The following RELL1 variants were observed in gnomAD, a reference collection of about 807,000 sequenced individuals.
RELL1 encodes the protein RELT-like protein 1.
RELL1 carries 10 observed loss-of-function variants against 23.0 expected under a neutral mutation model. That is an observed-to-expected ratio of 0.43 (90% CI 0.27 to 0.74). The LOEUF is 0.74. Among genes scored for constraint, RELL1 ranks in the 30% least tolerant of loss-of-function variants. The probability of loss-of-function intolerance (pLI) is 0.19; values close to 1 mark genes in which losing one functional copy is unlikely to be tolerated. For synonymous variants in RELL1, 146 were observed against 146.8 expected (o/e 0.99, Z 0.04); for missense variants, 315 against 364.4 (o/e 0.86, Z 1.10).
At chr4:37,592,104 A>G (rs1718640014) in intron 6 of RELL1, among the ~76,000 whole-genome samples, 1 of 150,110 alleles carries the variant, frequency 6.7e-6, no homozygotes, top group Admixed American at 6.7e-5. Context: ...GCTACTTGGG[A>G]GGCTGAGGCA....
intron 1 of RELL1, among the ~76,000 whole-genome samples, chr4:37,650,541 G>A (rs1720891895): frequency 6.6e-6 from 1 of 152,122 alleles, no homozygotes; most frequent in African/African-American, 2.4e-5. Context: ...GCTGTGGAAG[G>A]AAAACACGGG....
chr4:37,588,760 A>C, downstream of RELL1: 4 of 928,898 alleles, frequency 4.3e-6, no homozygotes, highest in Non-Finnish European at 7.0e-6. Flanking sequence ...ATACATTTTG[A>C]GTCTCTAGGG....
At chr4:37,647,111 C>A (rs537650588) in intron 3 of RELL1, among the ~76,000 whole-genome samples, 1 of 152,288 alleles carries the variant, frequency 6.6e-6, no homozygotes, top group African/African-American at 2.4e-5. Flanking sequence ...TGCACACAAC[C>A]AGTAAGCAGT....
intron 1 of RELL1, among the ~76,000 whole-genome samples, chr4:37,685,705 A>G (rs1299012305): frequency 6.6e-6 from 1 of 152,234 alleles, no homozygotes; most frequent in African/African-American, 2.4e-5. Context: ...CACCCAAATA[A>G]ATGGAAACGT....
downstream of RELL1, among the ~76,000 whole-genome samples, chr4:37,607,760 T>G (rs1719267839): frequency 6.6e-6 from 1 of 151,936 alleles, no homozygotes; most frequent in African/African-American, 2.4e-5. Flanking sequence ...TTTTCTTTTT[T>G]TTGTATGTTA....
chr4:37,647,879 T>C (rs1720763540), intron 2 of RELL1, among the ~76,000 whole-genome samples: 1 of 152,228 alleles, frequency 6.6e-6, no homozygotes, highest in African/African-American at 2.4e-5. Context: ...TCTTCCATGT[T>C]CATCAGACTG....
intron 6 of RELL1, among the ~76,000 whole-genome samples, chr4:37,619,027 G>A (rs187288628): frequency 3.3e-5 from 5 of 152,008 alleles, no homozygotes; most frequent in Admixed American, 3.3e-4. Context: ...TTACAGGCAT[G>A]CGCCACCACC....
chr4:37,632,849 A>C (rs916462943), intron 5 of RELL1, among the ~76,000 whole-genome samples: 2 of 152,242 alleles, frequency 1.3e-5, no homozygotes, highest in African/African-American at 4.8e-5. Flanking sequence ...AGAGTCTTTC[A>C]TAACAGCTTC....
In RELL1 at chr4:37,686,322, C is replaced by T; in HGVS notation, c.-35G>A. The T allele has an allele frequency of 6.9e-7, 1 of 1,444,978 alleles. No homozygotes were observed. The highest frequency in any genetic ancestry group is 9.1e-7 in the Non-Finnish European group (1 of 1,095,088). 89.5% of individuals were successfully genotyped at this position (1,444,978 alleles called of 1,614,324 possible). Reference sequence around the variant, plus strand: ...GCTTCGCCCTCCTCCCCCAGGGCGCCGCGTCCCGCGCTCGGGAAGGCAGAG... The same window carrying T: ...GCTTCGCCCTCCTCCCCCAGGGCGCTGCGTCCCGCGCTCGGGAAGGCAGAG... On this transcript the variant is annotated 5_prime_UTR_variant, in exon 1 of 7. Coordinates refer to ENST00000454158, the MANE Select transcript of RELL1 (RefSeq NM_001085400.2).
At chr4:37,682,227 A>G (rs1337491011) in intron 1 of RELL1, among the ~76,000 whole-genome samples, 1 of 152,250 alleles carries the variant, frequency 6.6e-6, no homozygotes. Context: ...TAAAAGAGTA[A>G]AGTGTCTACA....
At chr4:37,677,273 C>T (rs1194033582) in intron 1 of RELL1, among the ~76,000 whole-genome samples, 2 of 152,220 alleles carry the variant, frequency 1.3e-5, no homozygotes, top group Non-Finnish European at 2.9e-5. Flanking sequence ...GACAGTCTAA[C>T]AGAATGGGAA....
chr4:37,610,086 C>T (rs562284543), downstream of RELL1, among the ~76,000 whole-genome samples: 1 of 152,262 alleles, frequency 6.6e-6, no homozygotes, highest in African/African-American at 2.4e-5. The surrounding 1 kb of genome is among the most constrained non-coding windows in gnomAD (Gnocchi z 4.1). Context: ...TCAATCAGTG[C>T]AGCAAACTTT....
intron 6 of RELL1, among the ~76,000 whole-genome samples, chr4:37,604,844 C>CACACACAT (rs1719128268): frequency 8.0e-5 from 10 of 124,522 alleles, no homozygotes; most frequent in East Asian, 2.6e-4. Flanking sequence ...CACACAGACA[C>CACACACAT]ACACACAGAC....
chr4:37,644,190 GA>G (rs966973003), intron 3 of RELL1, among the ~76,000 whole-genome samples: 5 of 149,114 alleles, frequency 3.4e-5, no homozygotes, highest in African/African-American at 7.4e-5. Flanking sequence ...AAAAGAAAAA[GA>G]AAAAAAAACC....
At chr4:37,625,896 A>G (rs1338137846) in intron 6 of RELL1, among the ~76,000 whole-genome samples, 3 of 151,146 alleles carry the variant, frequency 2.0e-5, no homozygotes, top group Admixed American at 2.0e-4. Context: ...GTCAATAAAA[A>G]TAAATAAAAT....
rs548710229 is a variant in RELL1, at chr4:37,642,313, C to A, written c.386-3809G>T. 7.0e-4 allele frequency among the ~76,000 whole-genome samples: 107 copies of A among 152,296 alleles called. 1 individual carries two copies. The highest frequency in any genetic ancestry group is 3.4e-3 in the Middle Eastern group (1 of 294). ...TGAGGACTATCTGTAGTACTCCCTG[C>A]AATTTTTACTAAGCAGCCAGTTCAA... On this transcript the variant is annotated intron_variant, in intron 3 of 6. Transcript: ENST00000454158.
At position 37,649,303 on chromosome 4, in the gene RELL1, T is replaced by C; in HGVS notation, c.286A>G (p.Ile96Val). Residue 96 changes from isoleucine to valine, a missense_variant, in exon 2 of 7, where the codon ATC becomes GTC. Physicochemically the swap from Ile to Val is conservative, Grantham distance 29 (BLOSUM62 3). Coordinates refer to ENST00000454158, the MANE Select transcript of RELL1 (RefSeq NM_001085400.2). Reference protein sequence around the residue: ...YRCTTEAEQDIEEEKVEKIEL... With the variant: ...YRCTTEAEQDVEEEKVEKIEL... ...ATCTTTTCAACCTTTTCCTCTTCGATATCTTGCTCTGCTTCTGTTGTACAA... is the reference window on the plus strand; with the variant it reads ...ATCTTTTCAACCTTTTCCTCTTCGACATCTTGCTCTGCTTCTGTTGTACAA... 6.2e-7 allele frequency: 1 copy of C among 1,614,202 alleles called. No homozygotes were observed. Among genetic ancestry groups the C allele is most frequent in the South Asian group, 1.1e-5 (1 of 91,074 alleles).
chr4:37,631,298 A>T (rs534799537), intron 6 of RELL1, 87 bp downstream of exon 6: 2 of 1,422,856 alleles, frequency 1.4e-6, no homozygotes, highest in African/African-American at 2.9e-5. Context: ...TACCATTCCT[A>T]TGCTGCCACA....
At chr4:37,594,642 T>A (rs562490249) in intron 6 of RELL1, among the ~76,000 whole-genome samples, 66 of 152,336 alleles carry the variant, frequency 4.3e-4, no homozygotes, top group African/African-American at 1.5e-3. Context: ...TGAATAGTTA[T>A]AACTGGAAAA....
Sources: gnomAD v4.1 joint callset for allele counts (sites outside exome capture counted in the v4.1 genomes callset) on GRCh38, gnomAD v4.1.1 for gene constraint, Gnocchi (gnomAD v3.1) non-coding constraint, MANE v1.5 for transcripts, NCBI Gene and HGNC (gene_info 2026-07-23, HGNC 2026-07-21) for gene names.